MYO7B: variants seen among roughly 807,000 people sequenced by gnomAD.
MYO7B encodes myosin VIIB.
In MYO7B, 212 loss-of-function variants were observed where a neutral mutation model predicts 259.7. The observed-to-expected ratio is 0.82, with a 90% CI of 0.73 to 0.91. The LOEUF (loss-of-function observed/expected upper bound fraction) is 0.91. Among genes scored for constraint, MYO7B ranks in the 40% least tolerant of loss-of-function variants. The pLI is 0.00. For missense variants in MYO7B, 2,732 were observed against 2,813.5 expected, an observed-to-expected ratio of 0.97 and a Z score of 0.66; for synonymous variants, 1,197 against 1,166.4, an observed-to-expected ratio of 1.03 and a Z score of -0.54.
At position 127,625,530 on chromosome 2, in the gene MYO7B, G is replaced by A. The variant is rs368090832; in HGVS notation, c.4210G>A (p.Ala1404Thr). The A allele has an allele frequency of 7.7e-5, 123 of 1,596,336 alleles. 1 individual carries two copies. The South Asian group carries it at 1.1e-3, about 14-fold the overall frequency. The change falls in exon 31 of 48, where the codon GCC becomes ACC. Residue 1404 changes from alanine to threonine, a missense_variant. Around this residue, in one of 3 missense-constraint regions of MYO7B, gnomAD observed 1,906 missense variants for 2,026.4 expected, o/e 0.94. Transcript: ENST00000409816. ...GGCGAGCCTCGTCACTGCCGCCTGC[G>A]CCAAGGTCAGCCTGCATGCAGCTCA... ...RWASLVTAAC[A>T]KAPYTQKQVT...
intron 1 of MYO7B, among the ~76,000 whole-genome samples, chr2:127,548,920 T>C (rs1408987309): frequency 6.6e-6 from 1 of 152,266 alleles, no homozygotes; most frequent in Non-Finnish European, 1.5e-5. Flanking sequence ...GTTATTGATT[T>C]CTAGTTTAAT....
At chr2:127,634,082 T>C (rs1388714433) in intron 40 of MYO7B, 94 bp from the exon 41 acceptor site, 1 of 1,006,564 alleles carries the variant, frequency 9.9e-7, no homozygotes, top group Non-Finnish European at 1.5e-6. Context: ...CCAAGTTTCA[T>C]GAAGGAGCAA....
chr2:127,635,451 G>A (rs1681748257), intron 43 of MYO7B: 1 of 626,310 alleles, frequency 1.6e-6, no homozygotes, highest in African/African-American at 1.8e-5. Flanking sequence ...CTTGGAGAGG[G>A]TGGGACAGAG....
Position 127,627,984 on chromosome 2 carries a change from C to A in MYO7B, c.4461-388C>A, listed in dbSNP as rs1390202469. 1 of 472,192 alleles carries A rather than the reference C, an allele frequency of 2.1e-6. No homozygotes were observed. The highest frequency in any genetic ancestry group is 4.2e-6 in the Non-Finnish European group (1 of 237,820). The allele number at this position is 472,192 out of a possible 1,614,324, so 29.3% of individuals were successfully genotyped here. On this transcript the variant is annotated intron_variant, in intron 33 of 47. Coordinates refer to ENST00000409816, the MANE Select transcript of MYO7B (RefSeq NM_001393586.1). This position sits in a 1 kb window ranked among gnomAD's most constrained non-coding sequence, Gnocchi z 5.6. ...ATGCCACGAAGTACCGACAGCATCA[C>A]CCATTCTGCAGATGAGCGGATGAGT... is the stretch of plus-strand genomic sequence containing the variant.
At chr2:127,625,151 G>A (rs1352204866) in intron 30 of MYO7B, among the ~76,000 whole-genome samples, 1 of 152,240 alleles carries the variant, frequency 6.6e-6, no homozygotes. Context: ...GTTGTCCTCA[G>A]GCAGAGGGCC....
intron 1 of MYO7B, among the ~76,000 whole-genome samples, chr2:127,536,702 T>C (rs1692795989): frequency 6.6e-6 from 1 of 152,184 alleles, no homozygotes; most frequent in Non-Finnish European, 1.5e-5. Context: ...AGGCTCCACT[T>C]TGTAACCCTG....
chr2:127,632,889 G>A (rs995505261), intron 39 of MYO7B, among the ~76,000 whole-genome samples: 6 of 152,212 alleles, frequency 3.9e-5, no homozygotes, highest in Admixed American at 2.6e-4. Context: ...AGTGGCAGCC[G>A]TGGTCACAGA....
rs761869276 is a variant in MYO7B, at chr2:127,605,849, A to T, written c.2345A>T (p.Glu782Val). The T allele has an allele frequency of 6.2e-7, 1 of 1,613,658 alleles. No homozygotes were observed. The highest frequency in any genetic ancestry group is 8.5e-7 in the Non-Finnish European group (1 of 1,179,812). Residue 782 changes from glutamate (E) to valine (V), a missense_variant, in exon 20 of 48, where the codon GAG becomes GTG. Physicochemically the swap from Glu to Val is moderately radical, Grantham distance 121. Coordinates refer to ENST00000409816, the MANE Select transcript of MYO7B (RefSeq NM_001393586.1). ...KVLRGYRYRK[E>V]FLRQRRAAVT... is the part of the protein sequence containing the mutation. The stretch of plus-strand genomic sequence containing the variant: ...GGCTTGCATTGCCCTTCTAGGAAGG[A>T]GTTCCTGAGGCAGAGGCGGGCAGCT...
At chr2:127,591,369 C>A (rs115500899) in intron 16 of MYO7B, among the ~76,000 whole-genome samples, 6 of 152,192 alleles carry the variant, frequency 3.9e-5, no homozygotes, top group African/African-American at 1.4e-4. Flanking sequence ...GCAGGACAGG[C>A]AGGCAGGCCT....
At chr2:127,605,635 C>T (rs1174157690) in intron 19 of MYO7B, among the ~76,000 whole-genome samples, 13 of 152,188 alleles carry the variant, frequency 8.5e-5, no homozygotes, top group Non-Finnish European at 1.5e-5. Flanking sequence ...CTGTCATCAT[C>T]CACAAATTTG....
At chr2:127,606,253 G>A (rs1036210313) in intron 20 of MYO7B, among the ~76,000 whole-genome samples, 3 of 152,192 alleles carry the variant, frequency 2.0e-5, no homozygotes, top group African/African-American at 4.8e-5. Flanking sequence ...ATAAGCAAAT[G>A]GATTGATTAT....
At chr2:127,602,515 G>A (rs1328545040) in intron 19 of MYO7B, among the ~76,000 whole-genome samples, 2 of 152,074 alleles carry the variant, frequency 1.3e-5, no homozygotes, top group Non-Finnish European at 2.9e-5. Flanking sequence ...ATCTGGGCAT[G>A]GTGGTGCATG....
rs911846756 is a variant in MYO7B, at chr2:127,590,667, C to T, written c.1992+438C>T. ...GACACCACTCCTTTCACCAGCCCTG[C>T]AGACAGTCAGCTTTACCTGCTGTGA... On this transcript the variant is annotated intron_variant, in intron 16 of 47. Coordinates refer to ENST00000409816, the MANE Select transcript of MYO7B (RefSeq NM_001393586.1). The surrounding 1 kb of genome is among the most constrained non-coding windows in gnomAD (Gnocchi z 4.6). Among the ~76,000 whole-genome samples, 1 of 152,220 alleles carries T rather than the reference C, an allele frequency of 6.6e-6. No individual in the cohort carries two copies. Among genetic ancestry groups the T allele is most frequent in the Non-Finnish European group, 1.5e-5 (1 of 68,036 alleles).
At position 127,569,790 on chromosome 2, in the gene MYO7B, G is replaced by A. The variant is rs767454885; in HGVS notation, c.472G>A (p.Gly158Ser). The change falls in exon 6 of 48, where the codon GGC (glycine) becomes AGC (serine). Residue 158 changes from glycine (G) to serine (S), a missense_variant and splice_region_variant. Physicochemically the swap from Gly to Ser is moderately conservative, Grantham distance 56. This residue lies in a region of MYO7B where 1,906 missense variants were observed against 2,026.4 expected (regional missense o/e 0.94). Transcript: ENST00000409816. ...TGTCCCTGCACACCCTTTTTGCAGC[G>A]GCGAGTCTGGGGCTGGCAAGACGGA... ...NKRDQCCIIS[G>S]ESGAGKTETT... 8.7e-6 allele frequency: 14 copies of A among 1,606,982 alleles called. No individual in the cohort carries two copies. The highest frequency in any genetic ancestry group is 1.1e-5 in the Non-Finnish European group (13 of 1,176,748).
rs1681935386 is a variant in MYO7B, at chr2:127,637,712, ACT to A, written c.*297_*298del. Reference sequence around the variant, plus strand: ...CACCCCACCAGAATGTTCAATAAAAACTCCTGGAGCAGGAGAAGTGTGTCTGT... The same window carrying A: ...CACCCCACCAGAATGTTCAATAAAAACCTGGAGCAGGAGAAGTGTGTCTGT... On this transcript the variant is annotated 3_prime_UTR_variant, in exon 48 of 48. Transcript: ENST00000409816. 1 of 334,064 alleles carries A rather than the reference ACT, an allele frequency of 3.0e-6. No homozygotes were observed. Among genetic ancestry groups the A allele is most frequent in the Non-Finnish European group, 5.4e-6 (1 of 183,674 alleles). The allele number at this position is 334,064 out of a possible 1,614,324, so 20.7% of individuals were successfully genotyped here.
chr2:127,633,134 C>A, intron 39 of MYO7B, 124 bp from the exon 40 acceptor site: 1 of 742,586 alleles, frequency 1.3e-6, no homozygotes, highest in Non-Finnish European at 2.2e-6. Flanking sequence ...CTGGAACCAC[C>A]CCAGTGATGG....
Position 127,564,156 on chromosome 2 carries a change from G to A in MYO7B, c.22G>A (p.Asp8Asn), listed in dbSNP as rs1341094440. The change falls in exon 3 of 48, where the codon GAC becomes AAC. Residue 8 changes from aspartate to asparagine, a missense_variant. Asp to Asn is a conservative substitution (Grantham distance 23, BLOSUM62 1). Transcript: ENST00000409816. ...CTGTCTTCTGTCTGCCCTCCAGGGT[G>A]ACCACGTGTGGCTGGAGCCTCCCTC... is the stretch of plus-strand genomic sequence containing the variant. MSGFRLG[D>N]HVWLEPPSTH... 1.9e-6 allele frequency: 3 copies of A among 1,560,344 alleles called. No individual in the cohort carries two copies. The highest frequency in any genetic ancestry group is 2.6e-6 in the Non-Finnish European group (3 of 1,151,688).
At position 127,559,852 on chromosome 2, in the gene MYO7B, C is replaced by G. The variant is rs1677996755; in HGVS notation, c.18+112C>G. ...GCAATGAGACCCTATAGGAAAATAC[C>G]AGAGACAGGGGAGTTTAGGAAACAC... On this transcript the variant is annotated intron_variant, in intron 2 of 47. Coordinates refer to ENST00000409816, the MANE Select transcript of MYO7B (RefSeq NM_001393586.1). The surrounding 1 kb of genome is among the most constrained non-coding windows in gnomAD (Gnocchi z 4.1). The G allele has an allele frequency of 2.4e-6, 3 of 1,267,922 alleles. No homozygotes were observed. Among genetic ancestry groups the G allele is most frequent in the Non-Finnish European group, 3.5e-6 (3 of 867,112 alleles). 78.5% of individuals were successfully genotyped at this position (1,267,922 alleles called of 1,614,324 possible).
In MYO7B at chr2:127,624,414, A is replaced by C. The variant is rs79144232; in HGVS notation, c.4047+94A>C. On this transcript the variant is annotated intron_variant, in intron 30 of 47. Coordinates refer to ENST00000409816, the MANE Select transcript of MYO7B (RefSeq NM_001393586.1). ...CAACTGGCTTCTGAGGCCAGGTAGA[A>C]GGTGGGGGGGCAGGAAAGGGGGTCA... 2.0e-3 allele frequency: 2,217 copies of C among 1,123,484 alleles called. 71 individuals are homozygous for C. The East Asian group carries it at 0.052, about 26-fold the overall frequency. The allele number at this position is 1,123,484 out of a possible 1,614,324, so 69.6% of individuals were successfully genotyped here.
Sources: gnomAD v4.1 joint callset for allele counts (sites outside exome capture counted in the v4.1 genomes callset) on GRCh38, gnomAD v4.1.1 for gene constraint, gnomAD v4.1.1 regional missense constraint, Gnocchi (gnomAD v3.1) non-coding constraint, MANE v1.5 for transcripts, NCBI Gene and HGNC (gene_info 2026-07-23, HGNC 2026-07-21) for gene names.